Variants in GABBR2 observed in about 807,000 individuals in gnomAD.
GABBR2 encodes the protein G-protein coupled receptor 51.
Under a neutral mutation model 105.6 loss-of-function variants are expected in GABBR2, and 23 were observed. That is an observed-to-expected ratio of 0.22 (90% confidence interval 0.16 to 0.31). The LOEUF (loss-of-function observed/expected upper bound fraction) is 0.31. GABBR2 is among the 10% of genes least tolerant of loss of function. The pLI, the probability that GABBR2 is intolerant of heterozygous loss-of-function variation, is 1.00. For missense variants in GABBR2, 734 were observed against 1,245.5 expected, an observed-to-expected ratio of 0.59 and a Z score of 6.18; for synonymous variants, 478 against 499.7, an observed-to-expected ratio of 0.96 and a Z score of 0.58.
chr9:98,667,005 A>G (rs1292091029), intron 1 of GABBR2, among the ~76,000 whole-genome samples: 1 of 152,140 alleles, frequency 6.6e-6, no homozygotes, highest in African/African-American at 2.4e-5. Context: ...CCTTTGCCCA[A>G]TTTTGACAAG....
chr9:98,575,096 C>CA (rs879657290), intron 2 of GABBR2, among the ~76,000 whole-genome samples: 7 of 147,276 alleles, frequency 4.8e-5, no homozygotes, highest in Admixed American at 4.7e-4. Context: ...CACCCCCCCC[C>CA]AAATCTGCAA....
chr9:98,628,077 C>G (rs1179840776), intron 1 of GABBR2, among the ~76,000 whole-genome samples: 1 of 152,180 alleles, frequency 6.6e-6, no homozygotes, highest in Non-Finnish European at 1.5e-5. Context: ...TGTAGCTTTC[C>G]CTTAAGCACC....
chr9:98,421,112 T>C (rs1025515518), intron 7 of GABBR2, among the ~76,000 whole-genome samples: 1 of 152,206 alleles, frequency 6.6e-6, no homozygotes, highest in Non-Finnish European at 1.5e-5. Context: ...TAGAGTGAAC[T>C]CGCAGGGGTA....
At chr9:98,658,938 A>G (rs548198678) in intron 1 of GABBR2, among the ~76,000 whole-genome samples, 140 of 152,352 alleles carry the variant, frequency 9.2e-4, no homozygotes, top group African/African-American at 3.1e-3. Flanking sequence ...ACTTTCCTTC[A>G]TAAGAACTTT....
chr9:98,708,907 G>GGGGGCA lies in GABBR2; in HGVS notation c.-171_-170insTGCCCC, dbSNP rs1262179024. On this transcript the variant is annotated 5_prime_UTR_variant, in exon 1 of 19. Coordinates refer to ENST00000259455, the MANE Select transcript of GABBR2 (RefSeq NM_005458.8). ...GGCTCAGAACGGCCGCGGCGGCGGC[G>GGGGGCA]GCGGCAGCGGCGGCGCCCGTGACGG... The GGGGGCA allele has an allele frequency of 2.2e-5, 5 of 230,018 alleles. No individual in the cohort carries two copies. Among genetic ancestry groups the GGGGGCA allele is most frequent in the Non-Finnish European group, 3.6e-5 (5 of 139,238 alleles). 14.2% of individuals were successfully genotyped at this position (230,018 alleles called of 1,614,324 possible).
chr9:98,536,546 C>A (rs1197456760), intron 3 of GABBR2, among the ~76,000 whole-genome samples: 1 of 152,124 alleles, frequency 6.6e-6, no homozygotes, highest in Admixed American at 6.5e-5. Flanking sequence ...CATCTCCACC[C>A]CAAGCCCTAT....
intron 4 of GABBR2, among the ~76,000 whole-genome samples, chr9:98,484,917 A>T (rs575246115): frequency 1.3e-5 from 2 of 152,286 alleles, no homozygotes; most frequent in African/African-American, 4.8e-5. Flanking sequence ...GCTTTCAGAC[A>T]AGCCCCCTGC....
intron 1 of GABBR2, among the ~76,000 whole-genome samples, chr9:98,619,662 G>A (rs943575032): frequency 6.6e-6 from 1 of 152,196 alleles, no homozygotes; most frequent in Non-Finnish European, 1.5e-5. Flanking sequence ...TCTCCTTCCT[G>A]TGGGGACTCT....
chr9:98,336,009 T>C (rs1018641381), intron 13 of GABBR2, among the ~76,000 whole-genome samples: 3 of 152,088 alleles, frequency 2.0e-5, no homozygotes, highest in African/African-American at 4.8e-5. Context: ...TAGTGGATGA[T>C]AGAATATAGA....
At chr9:98,611,355 A>C (rs1392905524) in intron 1 of GABBR2, among the ~76,000 whole-genome samples, 1 of 152,034 alleles carries the variant, frequency 6.6e-6, no homozygotes, top group Non-Finnish European at 1.5e-5. Flanking sequence ...CACCACACTT[A>C]CTGTCACCCC....
intron 7 of GABBR2, among the ~76,000 whole-genome samples, chr9:98,437,753 C>T (rs889964407): frequency 2.7e-5 from 4 of 150,334 alleles, no homozygotes; most frequent in African/African-American, 9.8e-5. Flanking sequence ...CATCCATCCA[C>T]CTACATACTC....
Position 98,467,017 on chromosome 9 carries a change from G to C in GABBR2, c.999+6129C>G, listed in dbSNP as rs12340370. Among the ~76,000 whole-genome samples the C allele has an allele frequency of 6.9e-3, 1,056 of 152,168 alleles. 8 individuals are homozygous for C. Among genetic ancestry groups the C allele is most frequent in the African/African-American group, 0.024 (1,006 of 41,494 alleles). On this transcript the variant is annotated intron_variant, in intron 6 of 18. Coordinates refer to ENST00000259455, the MANE Select transcript of GABBR2 (RefSeq NM_005458.8). ...TCCACATTCCAGTCAACACAAAAGA[G>C]AATGAAAAAGAAAGGCCATATCCCC...
chr9:98,334,145 G>T (rs1383044211), intron 13 of GABBR2, among the ~76,000 whole-genome samples: 1 of 152,216 alleles, frequency 6.6e-6, no homozygotes, highest in Non-Finnish European at 1.5e-5. Flanking sequence ...GGACTGGAAG[G>T]TGAAGCTCTC....
At chr9:98,589,359 C>A (rs1008583482) in intron 1 of GABBR2, among the ~76,000 whole-genome samples, 10 of 152,332 alleles carry the variant, frequency 6.6e-5, no homozygotes, top group South Asian at 4.1e-4. Context: ...AGAACACCAA[C>A]CAACACACCC....
At chr9:98,513,499 C>G (rs1456567756) in intron 3 of GABBR2, among the ~76,000 whole-genome samples, 1 of 151,920 alleles carries the variant, frequency 6.6e-6, no homozygotes, top group Middle Eastern at 3.4e-3. Flanking sequence ...ATTTTTGCAA[C>G]CTACTCATCT....
Position 98,362,882 on chromosome 9 carries a change from C to T in GABBR2, c.1771-45G>A, listed in dbSNP as rs548747711. The T allele has an allele frequency of 9.7e-6, 14 of 1,439,428 alleles. No homozygotes were observed. The East Asian group carries it at 3.1e-4, about 32-fold the overall frequency. 89.2% of individuals were successfully genotyped at this position (1,439,428 alleles called of 1,614,324 possible). On this transcript the variant is annotated intron_variant, in intron 12 of 18. Transcript: ENST00000259455. The stretch of plus-strand genomic sequence containing the variant: ...AGAGGGGAGCCGATGTGAGAGACAG[C>T]TTCCCACGCAGCAACTGGGGGCCCA...
intron 3 of GABBR2, among the ~76,000 whole-genome samples, chr9:98,499,434 G>C (rs547656174): frequency 2.0e-5 from 3 of 152,322 alleles, no homozygotes; most frequent in African/African-American, 7.2e-5. Context: ...CGATGAACCA[G>C]AACAGGCCAG....
chr9:98,655,590 C>T (rs750325652), intron 1 of GABBR2, among the ~76,000 whole-genome samples: 3 of 152,080 alleles, frequency 2.0e-5, no homozygotes, highest in African/African-American at 4.8e-5. Flanking sequence ...CCAACCCAAA[C>T]GCCCATCAAT....
At chr9:98,568,653 A>G (rs1342578090) in intron 2 of GABBR2, among the ~76,000 whole-genome samples, 2 of 152,086 alleles carry the variant, frequency 1.3e-5, no homozygotes, top group Non-Finnish European at 1.5e-5. Context: ...TCCCCTCTCC[A>G]TCCCTCTGGC....
Sources: gnomAD v4.1 joint callset for allele counts (sites outside exome capture counted in the v4.1 genomes callset) on GRCh38, gnomAD v4.1.1 for gene constraint, MANE v1.5 for transcripts, NCBI Gene and HGNC (gene_info 2026-07-23, HGNC 2026-07-21) for gene names.